The following TRABD2B variants were observed in gnomAD, a reference collection of about 807,000 sequenced individuals.
The protein encoded by TRABD2B is TraB domain containing 2B, also known as metalloprotease TIKI2.
In TRABD2B, 14 loss-of-function variants were observed where a neutral mutation model predicts 40.1. The observed-to-expected ratio is 0.35, with a 90% confidence interval of 0.23 to 0.55. TRABD2B has a LOEUF of 0.55. Among genes scored for constraint, TRABD2B ranks in the 20% least tolerant of loss-of-function variants. The probability of loss-of-function intolerance (pLI) is 0.90; values close to 1 mark genes in which losing one functional copy is unlikely to be tolerated. For missense variants in TRABD2B, 541 were observed against 648.6 expected (o/e 0.83, Z 1.80); for synonymous variants, 263 against 277.0 (o/e 0.95, Z 0.50).
At chr1:47,882,840 G>A (rs1484120919) in intron 2 of TRABD2B, among the ~76,000 whole-genome samples, 1 of 152,072 alleles carries the variant, frequency 6.6e-6, no homozygotes, top group African/African-American at 2.4e-5. Context: ...CAGTGAGGAA[G>A]GAGGCACCTG....
intron 5 of TRABD2B, among the ~76,000 whole-genome samples, chr1:47,775,845 G>T (rs2124058971): frequency 6.6e-6 from 1 of 152,250 alleles, no homozygotes; most frequent in Non-Finnish European, 1.5e-5. Context: ...TGGGGGTGAA[G>T]GGTGCTACTC....
rs77773814 is a variant in TRABD2B, at chr1:47,822,149, T to TACACACAC, written c.667-20538_667-20531dup. Reference sequence around the variant, plus strand: ...ACCTCTAGGCACATGTGTGTACACGTACACACACACACACACACAAACACA... The same window carrying TACACACAC: ...ACCTCTAGGCACATGTGTGTACACGTACACACACACACACACACACACACACAAACACA... On this transcript the variant is annotated intron_variant, in intron 2 of 6. Transcript: ENST00000606738. 2.5e-4 allele frequency among the ~76,000 whole-genome samples: 38 copies of TACACACAC among 151,274 alleles called. No individual in the cohort carries two copies. The South Asian group carries it at 2.7e-3, about 11-fold the overall frequency.
chr1:47,958,606 G>C (rs1199895622), intron 2 of TRABD2B, among the ~76,000 whole-genome samples: 1 of 150,894 alleles, frequency 6.6e-6, no homozygotes, highest in Non-Finnish European at 1.5e-5. Context: ...GATCAAAAGA[G>C]ACAAAGAAGG....
chr1:47,866,704 C>T (rs1344575194), intron 2 of TRABD2B, among the ~76,000 whole-genome samples: 2 of 152,188 alleles, frequency 1.3e-5, no homozygotes. Flanking sequence ...TGGCTGTGTT[C>T]CTCCTATGAT....
At position 47,761,843 on chromosome 1, in the gene TRABD2B, T is replaced by G. The variant is rs1197450661; in HGVS notation, c.*4059A>C. On this transcript the variant is annotated 3_prime_UTR_variant, in exon 7 of 7. Coordinates refer to ENST00000606738, the MANE Select transcript of TRABD2B (RefSeq NM_001194986.2). ...ACTAAGGTCTGCCTCTCTCCTTCTT[T>G]TCTGCCTTCATTCCTTTCTTCCTCC... is the stretch of plus-strand genomic sequence containing the variant. The G allele has an allele frequency of 6.6e-6, 1 of 152,362 alleles. No individual in the cohort carries two copies. Among genetic ancestry groups the G allele is most frequent in the Non-Finnish European group, 1.5e-5 (1 of 68,142 alleles). 9.4% of individuals were successfully genotyped at this position (152,362 alleles called of 1,614,324 possible).
intron 2 of TRABD2B, among the ~76,000 whole-genome samples, chr1:47,898,721 A>C (rs1644558360): frequency 6.6e-6 from 1 of 152,112 alleles, no homozygotes; most frequent in African/African-American, 2.4e-5. Flanking sequence ...TTGCTGCACA[A>C]ATGTTAATGT....
intron 2 of TRABD2B, among the ~76,000 whole-genome samples, chr1:47,857,321 ATCT>A (rs1455041120): frequency 6.6e-6 from 1 of 152,110 alleles, no homozygotes; most frequent in Non-Finnish European, 1.5e-5. Flanking sequence ...CTGAGCTCTC[ATCT>A]TCTTAGCCTG....
intron 2 of TRABD2B, among the ~76,000 whole-genome samples, chr1:47,934,994 C>T (rs907841285): frequency 2.6e-5 from 4 of 152,144 alleles, no homozygotes; most frequent in African/African-American, 7.2e-5. Context: ...AATGCCCTCT[C>T]TTTATCCACC....
Position 47,979,048 on chromosome 1 carries a change from G to A in TRABD2B, c.666+14986C>T, listed in dbSNP as rs57263078. Among the ~76,000 whole-genome samples, 4 of 152,140 alleles carry A rather than the reference G, an allele frequency of 2.6e-5. 1 individual carries two copies. Among genetic ancestry groups the A allele is most frequent in the African/African-American group, 7.2e-5 (3 of 41,538 alleles). On this transcript the variant is annotated intron_variant, in intron 2 of 6. Coordinates refer to ENST00000606738, the MANE Select transcript of TRABD2B (RefSeq NM_001194986.2). ...GGATGCTACAGCCGCACCAGGAGTC[G>A]GTCAGAGCACGAGGCTGAGAAGGCT... is the stretch of plus-strand genomic sequence containing the variant.
intron 2 of TRABD2B, among the ~76,000 whole-genome samples, chr1:47,986,154 G>C (rs1381745503): frequency 6.6e-6 from 1 of 152,142 alleles, no homozygotes; most frequent in Non-Finnish European, 1.5e-5. Flanking sequence ...AGACTTGTTT[G>C]CAAGTAACAG....
chr1:47,959,265 G>A (rs958696017), intron 2 of TRABD2B, among the ~76,000 whole-genome samples: 15 of 152,248 alleles, frequency 9.9e-5, no homozygotes, highest in African/African-American at 3.6e-4. Flanking sequence ...AAGCAGGAAA[G>A]ATCTAAAATT....
intron 2 of TRABD2B, among the ~76,000 whole-genome samples, chr1:47,830,543 C>A (rs1311038850): frequency 1.3e-5 from 2 of 152,206 alleles, no homozygotes; most frequent in African/African-American, 4.8e-5. Context: ...AGGGATGTGC[C>A]CCTCCCTGCT....
intron 2 of TRABD2B, among the ~76,000 whole-genome samples, chr1:47,911,863 G>C (rs1165866470): frequency 2.0e-5 from 3 of 152,164 alleles, no homozygotes; most frequent in Admixed American, 2.0e-4. Flanking sequence ...ATAAGCACAG[G>C]GACTTGTGTG....
At chr1:47,907,050 G>A (rs753910256) in intron 2 of TRABD2B, among the ~76,000 whole-genome samples, 3 of 152,222 alleles carry the variant, frequency 2.0e-5, no homozygotes, top group Non-Finnish European at 2.9e-5. Flanking sequence ...AGCACCAGCC[G>A]GCCGCTGGCG....
chr1:47,840,607 AG>A (rs910444389), intron 2 of TRABD2B, among the ~76,000 whole-genome samples: 7 of 152,204 alleles, frequency 4.6e-5, no homozygotes, highest in African/African-American at 1.7e-4. Context: ...GTGGCTATCG[AG>A]GCTGCTTCAT....
At chr1:47,990,461 T>C (rs1304825398) in intron 2 of TRABD2B, among the ~76,000 whole-genome samples, 2 of 151,994 alleles carry the variant, frequency 1.3e-5, no homozygotes, top group Non-Finnish European at 2.9e-5. Context: ...GCTCACCGCC[T>C]CCTAATACTC....
Position 47,815,566 on chromosome 1 carries a change from A to G in TRABD2B, c.667-13947T>C, listed in dbSNP as rs533556288. Among the ~76,000 whole-genome samples the G allele has an allele frequency of 1.2e-4, 19 of 152,284 alleles. No homozygotes were observed. In the South Asian group the frequency reaches 3.9e-3, roughly 32 times the overall value. On this transcript the variant is annotated intron_variant, in intron 2 of 6. Coordinates refer to ENST00000606738, the MANE Select transcript of TRABD2B (RefSeq NM_001194986.2). The stretch of plus-strand genomic sequence containing the variant: ...TCCCTGCTGGCCACCACTTGTCCAC[A>G]GCCCAAGCATCCATCCTGCCCCACC...
At chr1:47,860,105 G>A (rs1296057770) in intron 2 of TRABD2B, among the ~76,000 whole-genome samples, 2 of 152,130 alleles carry the variant, frequency 1.3e-5, no homozygotes, top group Non-Finnish European at 2.9e-5. Context: ...GGCAGTCACT[G>A]GCCCTTGATG....
chr1:47,776,070 G>C (rs1425700608), intron 5 of TRABD2B, among the ~76,000 whole-genome samples: 1 of 151,840 alleles, frequency 6.6e-6, no homozygotes, highest in Non-Finnish European at 1.5e-5. Context: ...TATCTCACAG[G>C]GTACTTCATC....
Sources: allele counts gnomAD v4.1 joint callset (sites outside exome capture counted in the v4.1 genomes callset), GRCh38; gene constraint gnomAD v4.1.1; transcripts MANE v1.5; gene names NCBI Gene and HGNC (gene_info 2026-07-23, HGNC 2026-07-21).